The following NRG3 variants were observed in gnomAD, a reference collection of about 807,000 sequenced individuals.
The protein encoded by NRG3 is pro-neuregulin-3, membrane-bound isoform.
In NRG3, 31 loss-of-function variants were observed where a neutral mutation model predicts 66.9. The ratio of observed to expected loss-of-function variants is 0.46; its 90% CI spans 0.35 to 0.63. The LOEUF is 0.63. NRG3 is among the 20% of genes least tolerant of loss of function. The pLI, the probability that NRG3 is intolerant of heterozygous loss-of-function variation, is 0.00. For synonymous variants in NRG3, 393 were observed against 359.4 expected (o/e 1.09, Z -1.06); for missense variants, 910 against 878.9 (o/e 1.04, Z -0.45).
At chr10:82,638,992 C>G (rs2050384367) in intron 2 of NRG3, among the ~76,000 whole-genome samples, 1 of 152,098 alleles carries the variant, frequency 6.6e-6, no homozygotes, top group Admixed American at 6.6e-5. Context: ...GGTCGTTGAG[C>G]CTTTCAAAAT....
At chr10:82,572,539 A>G (rs2045800200) in intron 2 of NRG3, among the ~76,000 whole-genome samples, 1 of 151,770 alleles carries the variant, frequency 6.6e-6, no homozygotes, top group South Asian at 2.1e-4. Context: ...AACATATTTT[A>G]TATGCTTTGA....
chr10:82,395,431 G>T (rs189768699), intron 2 of NRG3, among the ~76,000 whole-genome samples: 17 of 152,162 alleles, frequency 1.1e-4, no homozygotes, highest in African/African-American at 3.9e-4. Flanking sequence ...GAAATTCAGG[G>T]ATAGATCCCT....
At chr10:82,640,095 A>C (rs2050464319) in intron 2 of NRG3, among the ~76,000 whole-genome samples, 1 of 152,190 alleles carries the variant, frequency 6.6e-6, no homozygotes, top group Admixed American at 6.5e-5. Context: ...TGCAGAGGAC[A>C]AGATTGTATT....
chr10:82,207,230 A>G (rs2075164397), intron 1 of NRG3, among the ~76,000 whole-genome samples: 1 of 152,204 alleles, frequency 6.6e-6, no homozygotes, highest in Non-Finnish European at 1.5e-5. Flanking sequence ...TAGCAGAGAC[A>G]GTGAAATATT....
intron 5 of NRG3, among the ~76,000 whole-genome samples, chr10:82,958,405 C>T (rs1171203085): frequency 6.6e-6 from 1 of 152,104 alleles, no homozygotes; most frequent in African/African-American, 2.4e-5. Flanking sequence ...ATAACTAGCT[C>T]TTTAAGAGTT....
chr10:82,648,029 T>A, intron 2 of NRG3, among the ~76,000 whole-genome samples: 1 of 149,304 alleles, frequency 6.7e-6, no homozygotes, highest in Non-Finnish European at 1.5e-5. Context: ...TTTGTCAATT[T>A]TGGCTTTTGT....
At position 82,451,687 on chromosome 10, in the gene NRG3, G is replaced by T. The variant is rs2091025228; in HGVS notation, c.953+92819G>T. Among the ~76,000 whole-genome samples, 3 of 152,190 alleles carry T rather than the reference G, an allele frequency of 2.0e-5. No individual in the cohort carries two copies. In the South Asian group the frequency reaches 6.2e-4, roughly 32 times the overall value. ...AGGGAATGTATATCAGCTTTCCTCT[G>T]TGTGCCTCTGCTTGTCTATTTTATT... On this transcript the variant is annotated intron_variant, in intron 2 of 8. Transcript: ENST00000372141.
chr10:82,934,648 G>A (rs1221590314), intron 4 of NRG3, among the ~76,000 whole-genome samples: 2 of 152,146 alleles, frequency 1.3e-5, no homozygotes, highest in Non-Finnish European at 2.9e-5. Context: ...TCTCACTGCT[G>A]GATGACAACT....
At chr10:82,035,284 C>T (rs1348518952) in intron 1 of NRG3, among the ~76,000 whole-genome samples, 14 of 152,060 alleles carry the variant, frequency 9.2e-5, no homozygotes, top group Admixed American at 3.3e-4. Flanking sequence ...GTAAAACATA[C>T]GAAAACATGG....
intron 1 of NRG3, among the ~76,000 whole-genome samples, chr10:81,916,450 A>C (rs539636784): frequency 1.2e-4 from 18 of 152,350 alleles, no homozygotes; most frequent in African/African-American, 4.1e-4. Context: ...ATGAGTTTTC[A>C]TGAATTTGCA....
At position 82,112,198 on chromosome 10, in the gene NRG3, A is replaced by T. The variant is rs545624058; in HGVS notation, c.823+236035A>T. On this transcript the variant is annotated intron_variant, in intron 1 of 8. Coordinates refer to ENST00000372141, the MANE Select transcript of NRG3 (RefSeq NM_001010848.4). ...TTCGAGGCTGCAATAAGCTGTGATC[A>T]CATCACTACACTCCAGCTTGGGCAA... Among the ~76,000 whole-genome samples, 3 of 152,316 alleles carry T rather than the reference A, an allele frequency of 2.0e-5. No homozygotes were observed. The South Asian group carries it at 6.2e-4, about 32-fold the overall frequency.
chr10:82,462,537 C>G (rs537071401), intron 2 of NRG3, among the ~76,000 whole-genome samples: 2 of 152,172 alleles, frequency 1.3e-5, no homozygotes, highest in African/African-American at 4.8e-5. Flanking sequence ...GGGGCAGGAG[C>G]ATCAGTGATG....
chr10:82,081,540 T>G (rs963546165), intron 1 of NRG3, among the ~76,000 whole-genome samples: 1 of 152,172 alleles, frequency 6.6e-6, no homozygotes, highest in African/African-American at 2.4e-5. Flanking sequence ...GATGTCGCCC[T>G]AGGTTAACAG....
intron 2 of NRG3, among the ~76,000 whole-genome samples, chr10:82,410,594 G>C (rs993664930): frequency 2.0e-5 from 3 of 151,662 alleles, no homozygotes; most frequent in African/African-American, 7.3e-5. Context: ...GGATTTGGGG[G>C]AGAAGAGTGA....
At chr10:82,147,841 C>G (rs1235948927) in intron 1 of NRG3, among the ~76,000 whole-genome samples, 1 of 152,184 alleles carries the variant, frequency 6.6e-6, no homozygotes, top group Non-Finnish European at 1.5e-5. Flanking sequence ...ATTAGTTCAA[C>G]CTTCAGAATC....
chr10:81,924,071 C>T (rs987286265), intron 1 of NRG3, among the ~76,000 whole-genome samples: 4 of 152,068 alleles, frequency 2.6e-5, no homozygotes, highest in African/African-American at 9.7e-5. Context: ...TAGGACTGAC[C>T]CCGGTGGGAT....
chr10:82,348,379 A>T (rs2083178366), intron 1 of NRG3, among the ~76,000 whole-genome samples: 1 of 145,070 alleles, frequency 6.9e-6, no homozygotes, highest in African/African-American at 2.7e-5. Context: ...TTTCTTTAAG[A>T]ATGTTGAATA....
At chr10:82,475,928 G>C (rs900228673) in intron 2 of NRG3, among the ~76,000 whole-genome samples, 2 of 152,052 alleles carry the variant, frequency 1.3e-5, no homozygotes, top group African/African-American at 4.8e-5. Context: ...GAAAACATTT[G>C]AAAATTACAC....
intron 2 of NRG3, among the ~76,000 whole-genome samples, chr10:82,688,087 C>T (rs1472495601): frequency 6.6e-6 from 1 of 152,158 alleles, no homozygotes; most frequent in Non-Finnish European, 1.5e-5. Context: ...TTATCTTCCA[C>T]CTCCAGTGCA....
Sources: allele counts gnomAD v4.1 joint callset (sites outside exome capture counted in the v4.1 genomes callset), GRCh38; gene constraint gnomAD v4.1.1; transcripts MANE v1.5; gene names NCBI Gene and HGNC (gene_info 2026-07-23, HGNC 2026-07-21).